APBA1: variants seen among roughly 807,000 people sequenced by gnomAD.
APBA1 encodes amyloid-beta A4 precursor protein-binding family A member 1.
In APBA1, 55 loss-of-function variants were observed where a neutral mutation model predicts 86.6. The ratio of observed to expected loss-of-function variants is 0.64; its 90% confidence interval spans 0.51 to 0.80. APBA1 has a LOEUF of 0.80. Ranked by LOEUF, APBA1 falls within the 30% of genes least tolerant of loss-of-function variation. The pLI is 0.00. For synonymous variants in APBA1, 511 were observed against 493.9 expected (o/e 1.03, Z -0.46); for missense variants, 1,090 against 1,183.0 (o/e 0.92, Z 1.15).
chr9:69,449,498 T>TATACATTAATGTTATA, intron 10 of APBA1, 86 bp downstream of exon 10: 1 of 1,237,512 alleles, frequency 8.1e-7, no homozygotes, highest in Non-Finnish European at 1.2e-6. Context: ...TTGAATATGT[T>TATACATTAATGTTATA]CATATACATT....
chr9:69,432,656 C>T lies in APBA1; in HGVS notation c.2322G>A (p.Gly774=), dbSNP rs79230647. The T allele has an allele frequency of 6.3e-7, 1 of 1,595,180 alleles. No individual in the cohort carries two copies. The highest frequency in any genetic ancestry group is 8.5e-7 in the Non-Finnish European group (1 of 1,172,358). ...QNGIICSLMR[G]GIAERGGVRV... is the part of the protein sequence containing the mutation. ...GGACGCCTCCTCTCTCAGCTATTCC[C>T]CCTCGCATGAGGCTGCAGATCTGCC... The change falls in exon 12 of 13, where the codon GGG becomes GGA. Residue 774 remains glycine, a synonymous_variant. Coordinates refer to ENST00000265381, the MANE Select transcript of APBA1 (RefSeq NM_001163.4).
chr9:69,465,573 C>A (rs753757223), intron 5 of APBA1: 1 of 152,264 alleles, frequency 6.6e-6, no homozygotes, highest in South Asian at 2.1e-4. Context: ...GTCACTACTT[C>A]GTGGAAACAG....
chr9:69,633,811 A>G (rs1264684028), intron 1 of APBA1, among the ~76,000 whole-genome samples: 1 of 152,186 alleles, frequency 6.6e-6, no homozygotes, highest in African/African-American at 2.4e-5. Flanking sequence ...CACAGATAAT[A>G]CTCAATGCTC....
In APBA1 at chr9:69,650,902, G is replaced by A. The variant is rs902829661; in HGVS notation, c.-70+21251C>T. 2.0e-5 allele frequency among the ~76,000 whole-genome samples: 3 copies of A among 152,134 alleles called. No homozygotes were observed. In the South Asian group the frequency reaches 6.2e-4, roughly 32 times the overall value. On this transcript the variant is annotated intron_variant, in intron 1 of 12. Coordinates refer to ENST00000265381, the MANE Select transcript of APBA1 (RefSeq NM_001163.4). ...CTAAACACATGCCCATCCCTATGAC[G>A]AAATAGTTTCACTCCTAAATATATA... is the stretch of plus-strand genomic sequence containing the variant.
At chr9:69,542,249 G>A (rs1298533517) in intron 1 of APBA1, among the ~76,000 whole-genome samples, 1 of 152,262 alleles carries the variant, frequency 6.6e-6, no homozygotes, top group Non-Finnish European at 1.5e-5. Context: ...TGCAGTCAAT[G>A]AACCAAGACT....
At chr9:69,654,157 G>A (rs1248156151) in intron 1 of APBA1, among the ~76,000 whole-genome samples, 1 of 146,854 alleles carries the variant, frequency 6.8e-6, no homozygotes, top group African/African-American at 2.5e-5. Flanking sequence ...AGTAATAAAT[G>A]TCTATATCAA....
chr9:69,596,396 G>C (rs1299342036), intron 1 of APBA1, among the ~76,000 whole-genome samples: 1 of 152,092 alleles, frequency 6.6e-6, no homozygotes, highest in African/African-American at 2.4e-5. Flanking sequence ...ATTTATCTGT[G>C]TATTCATTAT....
intron 2 of APBA1, among the ~76,000 whole-genome samples, chr9:69,498,143 A>G (rs934183786): frequency 3.3e-5 from 5 of 152,124 alleles, no homozygotes; most frequent in African/African-American, 1.2e-4. Flanking sequence ...TCACCCTGTG[A>G]CTGGGTTACA....
chr9:69,636,963 GAAAGAAAGAAAGAAAGAAAGAAAA>G (rs1249479339), intron 1 of APBA1, among the ~76,000 whole-genome samples: 3 of 151,132 alleles, frequency 2.0e-5, no homozygotes, highest in Admixed American at 1.3e-4. Flanking sequence ...AAGAAAGAAA[GAAAGAAAGAAAGAAAGAAAGAAAA>G]ATGTGATACA....
chr9:69,487,786 C>T (rs1835635766), intron 2 of APBA1, among the ~76,000 whole-genome samples: 3 of 151,986 alleles, frequency 2.0e-5, no homozygotes, highest in Admixed American at 2.0e-4. Flanking sequence ...CTTGGACTTC[C>T]CAGCCTCCAG....
At chr9:69,588,025 CAAAAAAAAAA>C (rs35212894) in intron 1 of APBA1, among the ~76,000 whole-genome samples, 1 of 106,678 alleles carries the variant, frequency 9.4e-6, no homozygotes, top group Non-Finnish European at 1.8e-5. Flanking sequence ...GACTCTGTCT[CAAAAAAAAAA>C]AAAAAAAAGA....
chr9:69,484,228 A>G (rs1170488627), intron 2 of APBA1, among the ~76,000 whole-genome samples: 1 of 152,054 alleles, frequency 6.6e-6, no homozygotes, highest in Admixed American at 6.5e-5. Flanking sequence ...AATTCTTTAC[A>G]ACATTATGGG....
chr9:69,558,334 G>A (rs978071090), intron 1 of APBA1, among the ~76,000 whole-genome samples: 2 of 151,860 alleles, frequency 1.3e-5, no homozygotes, highest in Non-Finnish European at 2.9e-5. Flanking sequence ...TACTTATATT[G>A]TGATTACTAA....
At chr9:69,490,774 C>T (rs1835695680) in intron 2 of APBA1, among the ~76,000 whole-genome samples, 1 of 151,956 alleles carries the variant, frequency 6.6e-6, no homozygotes, top group Non-Finnish European at 1.5e-5. Flanking sequence ...AGCAAACAAC[C>T]CCATCAAAAA....
chr9:69,471,621 G>T, intron 4 of APBA1, 35 bp downstream of exon 4: 2 of 1,586,132 alleles, frequency 1.3e-6, no homozygotes, highest in South Asian at 2.2e-5. Context: ...ATTCATGAAT[G>T]ACTCAGTGCT....
intron 1 of APBA1, among the ~76,000 whole-genome samples, chr9:69,532,261 T>G (rs1158392213): frequency 6.6e-6 from 1 of 152,234 alleles, no homozygotes; most frequent in East Asian, 1.9e-4. Flanking sequence ...AAACTGTATA[T>G]GTATACATTC....
At chr9:69,628,587 C>A (rs1361142353) in intron 1 of APBA1, among the ~76,000 whole-genome samples, 1 of 152,238 alleles carries the variant, frequency 6.6e-6, no homozygotes, top group South Asian at 2.1e-4. Context: ...GCCATGGCAA[C>A]CATTCCAAAG....
At chr9:69,477,147 T>C (rs1240583135) in intron 2 of APBA1, among the ~76,000 whole-genome samples, 1 of 152,024 alleles carries the variant, frequency 6.6e-6, no homozygotes, top group Non-Finnish European at 1.5e-5. Context: ...ACAGCTCCAG[T>C]CTACAGCTCC....
intron 4 of APBA1, 60 bp from the exon 5 acceptor site, chr9:69,468,028 C>A: frequency 6.3e-7 from 1 of 1,580,516 alleles, no homozygotes; most frequent in Non-Finnish European, 8.6e-7. Flanking sequence ...CCAACCCCCT[C>A]AATGGCACAT....
Sources: allele counts gnomAD v4.1 joint callset (sites outside exome capture counted in the v4.1 genomes callset), GRCh38; gene constraint gnomAD v4.1.1; transcripts MANE v1.5; gene names NCBI Gene and HGNC (gene_info 2026-07-23, HGNC 2026-07-21).